Variants in UXS1 observed in about 807,000 individuals in gnomAD.
UXS1 encodes UDP-glucuronic acid decarboxylase 1.
UXS1 carries 33 observed loss-of-function variants against 62.6 expected under a neutral mutation model. The observed-to-expected ratio is 0.53, with a 90% confidence interval of 0.40 to 0.70. The LOEUF (loss-of-function observed/expected upper bound fraction) is 0.70, where lower values mean the gene tolerates loss of function less well. UXS1 is among the 30% of genes least tolerant of loss of function. The pLI is 0.00. For missense variants in UXS1, 434 were observed against 556.3 expected, an observed-to-expected ratio of 0.78 and a Z score of 2.21; for synonymous variants, 213 against 206.8, an observed-to-expected ratio of 1.03 and a Z score of -0.26.
Position 106,142,915 on chromosome 2 carries a change from T to G in UXS1, c.472+2275A>C, listed in dbSNP as rs1162621441. Among the ~76,000 whole-genome samples, 3 of 130,860 alleles carry G rather than the reference T, an allele frequency of 2.3e-5. No homozygotes were observed. The East Asian group carries it at 6.8e-4, about 30-fold the overall frequency. The allele number at this position is 130,860 out of a possible 152,430, so 85.8% of individuals were successfully genotyped here. ...TGTGTGGGTGTGTGGGTGTGTGTGT[T>G]TGCATGTATGTGTGTGTGTGTGTGT... On this transcript the variant is annotated intron_variant, in intron 6 of 14. Coordinates refer to ENST00000283148, the MANE Select transcript of UXS1 (RefSeq NM_001253875.2).
At chr2:106,193,149 TC>T (rs1685036969) in intron 1 of UXS1, among the ~76,000 whole-genome samples, 2 of 152,076 alleles carry the variant, frequency 1.3e-5, no homozygotes, top group African/African-American at 4.8e-5. Flanking sequence ...ATACTTGCCT[TC>T]CTAGAGCTCA....
At chr2:106,115,998 G>A (rs1321171948) in intron 9 of UXS1, among the ~76,000 whole-genome samples, 1 of 152,188 alleles carries the variant, frequency 6.6e-6, no homozygotes, top group African/African-American at 2.4e-5. Context: ...CACGAACTAG[G>A]CTGGAACAGT....
At chr2:106,105,108 G>A (rs564270031) in intron 10 of UXS1, among the ~76,000 whole-genome samples, 16 of 152,290 alleles carry the variant, frequency 1.1e-4, no homozygotes, top group African/African-American at 3.9e-4. Flanking sequence ...CGCTTCTGCT[G>A]GAGTCTTACG....
chr2:106,125,941 T>A (rs1679904344), intron 7 of UXS1, among the ~76,000 whole-genome samples: 1 of 152,212 alleles, frequency 6.6e-6, no homozygotes. Context: ...TTTGATAAAG[T>A]GTGATTTGAG....
intron 1 of UXS1, among the ~76,000 whole-genome samples, chr2:106,186,814 T>C (rs577014798): frequency 9.9e-4 from 151 of 151,868 alleles, no homozygotes; most frequent in African/African-American, 3.6e-3. Flanking sequence ...TGAAACCCTG[T>C]CTCAAAAAAA....
chr2:106,152,822 G>A (rs1194571489), intron 5 of UXS1, among the ~76,000 whole-genome samples: 1 of 151,964 alleles, frequency 6.6e-6, no homozygotes, highest in Non-Finnish European at 1.5e-5. Context: ...TTCCAGTCAC[G>A]GTTGCCCCAA....
intron 5 of UXS1, among the ~76,000 whole-genome samples, chr2:106,153,164 G>C (rs1682166327): frequency 6.6e-6 from 1 of 152,228 alleles, no homozygotes; most frequent in Admixed American, 6.5e-5. Context: ...GAACCAAGGA[G>C]AGGACACTTA....
chr2:106,095,818 G>A (rs564219295), intron 14 of UXS1, among the ~76,000 whole-genome samples: 1 of 152,358 alleles, frequency 6.6e-6, no homozygotes, highest in Admixed American at 6.5e-5. Flanking sequence ...GGTCTCTGAA[G>A]GACACAGGCA....
At chr2:106,110,830 G>A (rs1678530735) in intron 10 of UXS1, among the ~76,000 whole-genome samples, 1 of 152,190 alleles carries the variant, frequency 6.6e-6, no homozygotes, top group Admixed American at 6.5e-5. Context: ...TATTTCAGTT[G>A]GTTACAAGGG....
intron 10 of UXS1, among the ~76,000 whole-genome samples, chr2:106,108,015 C>G (rs558217508): frequency 6.6e-6 from 1 of 152,340 alleles, no homozygotes; most frequent in African/African-American, 2.4e-5. Flanking sequence ...TGCATACCCC[C>G]ACAGACCTTG....
chr2:106,128,190 G>C (rs373722951), intron 7 of UXS1, among the ~76,000 whole-genome samples: 1 of 152,122 alleles, frequency 6.6e-6, no homozygotes, highest in Admixed American at 6.5e-5. Flanking sequence ...AGGGGTAGGC[G>C]CTTGTGATGG....
At chr2:106,098,082 G>A (rs1299265375) in intron 13 of UXS1, among the ~76,000 whole-genome samples, 1 of 152,210 alleles carries the variant, frequency 6.6e-6, no homozygotes, top group African/African-American at 2.4e-5. Context: ...AGTCTAGTCT[G>A]GTTGTGACTT....
chr2:106,094,212 CGCAGGAAGGAAGTGCCACCTT>C lies in UXS1; in HGVS notation c.1147-76_1147-56del, dbSNP rs11268588. 2.8e-4 allele frequency: 334 copies of C among 1,186,334 alleles called. 4 individuals carry two copies. In the African/African-American group the frequency reaches 4.2e-3, roughly 15 times the overall value. 73.5% of individuals were successfully genotyped at this position (1,186,334 alleles called of 1,614,324 possible). On this transcript the variant is annotated intron_variant, in intron 14 of 14. Coordinates refer to ENST00000283148, the MANE Select transcript of UXS1 (RefSeq NM_001253875.2). ...CAAGGTCACATTGACAGAAGGGCATCGCAGGAAGGAAGTGCCACCTTGCAGGAAGGAAGTGCCACCTTGCAG... is the reference window on the plus strand; with the variant it reads ...CAAGGTCACATTGACAGAAGGGCATCGCAGGAAGGAAGTGCCACCTTGCAG...
At chr2:106,145,049 T>A (rs1416626310) in intron 6 of UXS1, 141 bp downstream of exon 6, 10 of 916,636 alleles carry the variant, frequency 1.1e-5, no homozygotes. Context: ...CGGCACCTCA[T>A]ACATATTGAG....
intron 1 of UXS1, among the ~76,000 whole-genome samples, chr2:106,192,336 C>G (rs1301606285): frequency 1.3e-5 from 2 of 152,184 alleles, no homozygotes; most frequent in Admixed American, 1.3e-4. Context: ...AGGCGGATCA[C>G]GAGGTCAGGA....
chr2:106,151,115 C>T (rs148504978), intron 5 of UXS1, among the ~76,000 whole-genome samples: 56 of 152,260 alleles, frequency 3.7e-4, no homozygotes, highest in Admixed American at 1.3e-3. Flanking sequence ...TTCACAGGCC[C>T]ATAGCTGAAG....
Position 106,095,688 on chromosome 2 carries a change from C to T in UXS1, c.1146+1030G>A, listed in dbSNP as rs563953959. Among the ~76,000 whole-genome samples, 7 of 152,236 alleles carry T rather than the reference C, an allele frequency of 4.6e-5. No individual in the cohort carries two copies. The South Asian group carries it at 6.2e-4, about 14-fold the overall frequency. ...TACACGCCTCTGCCCGAGGGGAGCC[C>T]GAATTTCAGTGGGGCACATGAGGGT... is the stretch of plus-strand genomic sequence containing the variant. On this transcript the variant is annotated intron_variant, in intron 14 of 14. Transcript: ENST00000283148.
intron 13 of UXS1, chr2:106,097,043 G>T (rs1677173946): frequency 4.5e-6 from 3 of 666,782 alleles, no homozygotes; most frequent in East Asian, 6.0e-5. Context: ...CTGTGTGCAG[G>T]CGCCCAGCAA....
At chr2:106,146,599 T>G (rs1681586508) in intron 5 of UXS1, among the ~76,000 whole-genome samples, 1 of 151,520 alleles carries the variant, frequency 6.6e-6, no homozygotes, top group Non-Finnish European at 1.5e-5. Context: ...GCCAACATGG[T>G]GAAACCCTGT....
Sources: allele counts gnomAD v4.1 joint callset (sites outside exome capture counted in the v4.1 genomes callset), GRCh38; gene constraint gnomAD v4.1.1; transcripts MANE v1.5; gene names NCBI Gene and HGNC (gene_info 2026-07-23, HGNC 2026-07-21).